ABCG1: variants seen among roughly 807,000 people sequenced by gnomAD.
ABCG1 encodes ATP binding cassette subfamily G member 1.
A neutral mutation model predicts 69.2 loss-of-function variants in ABCG1; 29 were observed. The ratio of observed to expected loss-of-function variants is 0.42; its 90% confidence interval spans 0.31 to 0.57. ABCG1 has a LOEUF of 0.57. Ranked by LOEUF, ABCG1 falls within the 20% of genes least tolerant of loss-of-function variation. The probability of loss-of-function intolerance (pLI) is 0.15; values close to 1 mark genes in which losing one functional copy is unlikely to be tolerated. For synonymous variants in ABCG1, 370 were observed against 374.8 expected (o/e 0.99, Z 0.15); for missense variants, 718 against 898.1 (o/e 0.80, Z 2.56).
intron 2 of ABCG1, among the ~76,000 whole-genome samples, chr21:42,257,950 C>T (rs2068333889): frequency 6.6e-6 from 1 of 150,652 alleles, no homozygotes; most frequent in Non-Finnish European, 1.5e-5. Context: ...CCATCAGCCT[C>T]TCCATCCATC....
At chr21:42,216,019 G>A, upstream of ABCG1, 3 of 315,470 alleles carry the variant, frequency 9.5e-6, no homozygotes, top group South Asian at 4.9e-5. Flanking sequence ...TGAATCATAG[G>A]GGCAGGTCTT....
In ABCG1 at chr21:42,277,996, C is replaced by T. The variant is rs975726693; in HGVS notation, c.588+1051C>T. ...GCCCTTCAAAACTCAGGATTCAGCCCGTGTCACCGGGGCTGGGGGGTGAAA... is the reference window on the plus strand; with the variant it reads ...GCCCTTCAAAACTCAGGATTCAGCCTGTGTCACCGGGGCTGGGGGGTGAAA... On this transcript the variant is annotated intron_variant, in intron 5 of 14. Transcript: ENST00000398449. Among the ~76,000 whole-genome samples, 9 of 152,206 alleles carry T rather than the reference C, an allele frequency of 5.9e-5. No homozygotes were observed. The South Asian group carries it at 1.4e-3, about 24-fold the overall frequency.
rs1017534577 is a variant in ABCG1, at chr21:42,281,630, C to T, written c.589-644C>T. On this transcript the variant is annotated intron_variant, in intron 5 of 14. Transcript: ENST00000398449. ...CGTTGCCTTCCTGGCACCTCAGAGA[C>T]CTTGCTTTCAAGTCAAACCTATTTA... Among the ~76,000 whole-genome samples the T allele has an allele frequency of 2.0e-5, 3 of 152,164 alleles. No individual in the cohort carries two copies. The East Asian group carries it at 5.8e-4, about 29-fold the overall frequency.
At chr21:42,292,674 C>T in intron 13 of ABCG1, among the ~76,000 whole-genome samples, 1 of 151,114 alleles carries the variant, frequency 6.6e-6, no homozygotes, top group South Asian at 2.1e-4. Context: ...ACACACTACA[C>T]ACCACACACG....
intron 2 of ABCG1, among the ~76,000 whole-genome samples, chr21:42,268,819 C>T (rs1262969507): frequency 2.6e-5 from 4 of 152,074 alleles, no homozygotes; most frequent in East Asian, 1.9e-4. Flanking sequence ...ATGAGAGGGC[C>T]GAATGCTCCC....
chr21:42,204,455 G>T (rs1219360703), intron 2 of ABCG1, among the ~76,000 whole-genome samples: 1 of 152,214 alleles, frequency 6.6e-6, no homozygotes, highest in East Asian at 1.9e-4. Context: ...AATGGGTAAA[G>T]AATTTTGTCA....
chr21:42,295,950 A>G (rs2069200177), intron 14 of ABCG1, among the ~76,000 whole-genome samples: 1 of 152,126 alleles, frequency 6.6e-6, no homozygotes, highest in Non-Finnish European at 1.5e-5. Context: ...GCCCTGGAGG[A>G]AACAAAATTG....
intron 5 of ABCG1, among the ~76,000 whole-genome samples, chr21:42,281,856 A>G (rs1420386717): frequency 6.6e-6 from 1 of 152,230 alleles, no homozygotes; most frequent in African/African-American, 2.4e-5. Context: ...AGAAACCACC[A>G]GAAATTGTGC....
intron 2 of ABCG1, among the ~76,000 whole-genome samples, chr21:42,268,122 G>A (rs2068547266): frequency 6.6e-6 from 1 of 152,126 alleles, no homozygotes; most frequent in Non-Finnish European, 1.5e-5. Flanking sequence ...GTTATCCTGG[G>A]CACTCACTAT....
intron 2 of ABCG1, among the ~76,000 whole-genome samples, chr21:42,206,790 A>G (rs1420312783): frequency 2.7e-5 from 4 of 148,376 alleles, no homozygotes; most frequent in Non-Finnish European, 6.0e-5. Flanking sequence ...ACTTCATTTC[A>G]TCATTATTTT....
intron 2 of ABCG1, chr21:42,259,271 T>A (rs1157584419): frequency 6.6e-7 from 1 of 1,508,894 alleles, no homozygotes; most frequent in Non-Finnish European, 8.9e-7. Flanking sequence ...GGAGACCAGA[T>A]CTGTGCTCTG....
intron 2 of ABCG1, among the ~76,000 whole-genome samples, chr21:42,269,889 C>T (rs1218310353): frequency 6.6e-6 from 1 of 152,196 alleles, no homozygotes; most frequent in Admixed American, 6.5e-5. Flanking sequence ...CTCATTAGGT[C>T]CCCTGAAACG....
At chr21:42,253,741 G>T (rs1221401115) in intron 2 of ABCG1, among the ~76,000 whole-genome samples, 2 of 152,172 alleles carry the variant, frequency 1.3e-5, no homozygotes, top group Non-Finnish European at 2.9e-5. Flanking sequence ...ACCCTCTGTA[G>T]GACTGGGGGT....
rs750916777 is a variant in ABCG1 at position 42,288,309 on chromosome 21, C to T, written c.1221C>T (p.Asp407=). 6.3e-6 allele frequency: 10 copies of T among 1,589,982 alleles called. No individual in the cohort carries two copies. The highest frequency in any genetic ancestry group is 1.7e-5 in the Admixed American group (1 of 57,984). Residue 407 remains aspartate, a synonymous_variant, in exon 10 of 15, where the codon GAC becomes GAT. Transcript: ENST00000398449. This position sits in a 1 kb window ranked among gnomAD's most constrained non-coding sequence, Gnocchi z 4.8. The part of the protein sequence containing the change: ...FKRTFLSIMR[D]SVLTHLRITS... ...GGACCTTCCTCAGCATCATGAGGGA[C>T]TCGGTAAGGCTGCCCGCATCTTCTC...
At chr21:42,235,069 A>T (rs1368103242) in intron 2 of ABCG1, among the ~76,000 whole-genome samples, 2 of 152,198 alleles carry the variant, frequency 1.3e-5, no homozygotes, top group East Asian at 3.9e-4. Flanking sequence ...CACCCGGGCC[A>T]TGCAAATCCC....
At chr21:42,201,668 T>G in exon 2 of ABCG1, 4 of 1,610,916 alleles carry the variant, frequency 2.5e-6, no homozygotes, top group Non-Finnish European at 2.5e-6. Context: ...TGCCAGGAGC[T>G]GTTCTTGATG....
intron 2 of ABCG1, among the ~76,000 whole-genome samples, chr21:42,260,707 A>C (rs1258937988): frequency 1.3e-5 from 2 of 152,204 alleles, no homozygotes; most frequent in Non-Finnish European, 2.9e-5. Flanking sequence ...GGAAGGAAGG[A>C]AAATAGAGGC....
intron 2 of ABCG1, among the ~76,000 whole-genome samples, chr21:42,209,159 T>A (rs1290635853): frequency 6.6e-6 from 1 of 151,950 alleles, no homozygotes; most frequent in African/African-American, 2.4e-5. Context: ...CCATGGAGAG[T>A]TGATCTGGAC....
chr21:42,282,267 C>T lies in ABCG1; in HGVS notation c.589-7C>T, dbSNP rs758944043. Reference sequence around the variant, plus strand: ...GCTCCCAATGTCTCTCGTTCTGTTGCCCCCAGGTCAAGGAGATACTGACAG... The same window carrying T: ...GCTCCCAATGTCTCTCGTTCTGTTGTCCCCAGGTCAAGGAGATACTGACAG... On this transcript the variant is annotated splice_polypyrimidine_tract_variant and splice_region_variant and intron_variant, in intron 5 of 14. Transcript: ENST00000398449. 2 of 1,609,152 alleles carry T rather than the reference C, an allele frequency of 1.2e-6. No homozygotes were observed. Among genetic ancestry groups the T allele is most frequent in the Non-Finnish European group, 1.7e-6 (2 of 1,178,678 alleles).
Sources: gnomAD v4.1 joint callset for allele counts (sites outside exome capture counted in the v4.1 genomes callset) on GRCh38, gnomAD v4.1.1 for gene constraint, Gnocchi (gnomAD v3.1) non-coding constraint, MANE v1.5 for transcripts, NCBI Gene and HGNC (gene_info 2026-07-23, HGNC 2026-07-21) for gene names.